TEX2: variants seen among roughly 807,000 people sequenced by gnomAD.
TEX2 encodes the protein testis-expressed protein 2.
A neutral mutation model predicts 106.9 loss-of-function variants in TEX2; 53 were observed. The observed-to-expected ratio is 0.50, with a 90% CI of 0.40 to 0.62. TEX2 has a LOEUF of 0.62. TEX2 is among the 20% of genes least tolerant of loss of function. The probability of loss-of-function intolerance (pLI) is 0.00; values close to 1 mark genes in which losing one functional copy is unlikely to be tolerated. For synonymous variants in TEX2, 523 were observed against 534.8 expected (o/e 0.98, Z 0.30); for missense variants, 1,207 against 1,379.0 (o/e 0.88, Z 1.98).
At chr17:64,170,262 C>T (rs946757200) in intron 7 of TEX2, among the ~76,000 whole-genome samples, 1 of 152,336 alleles carries the variant, frequency 6.6e-6, no homozygotes, top group South Asian at 2.1e-4. Context: ...ATATACTGTA[C>T]GTCTTCATTT....
At chr17:64,243,215 C>A (rs1338553562) in intron 1 of TEX2, among the ~76,000 whole-genome samples, 1 of 152,080 alleles carries the variant, frequency 6.6e-6, no homozygotes, top group East Asian at 1.9e-4. Flanking sequence ...GCGTGAGCCA[C>A]CACACCCGGC....
intron 6 of TEX2, among the ~76,000 whole-genome samples, chr17:64,171,977 G>A (rs1278603764): frequency 7.3e-5 from 5 of 68,652 alleles, no homozygotes; most frequent in Middle Eastern, 6.9e-3. Context: ...GAGACTCTGC[G>A]TCAAAAAAAA....
chr17:64,193,169 C>G (rs942650051), intron 4 of TEX2, among the ~76,000 whole-genome samples: 4 of 152,198 alleles, frequency 2.6e-5, no homozygotes, highest in African/African-American at 9.6e-5. Flanking sequence ...CATTCTATGG[C>G]AAGCTCAGGC....
At position 64,213,339 on chromosome 17, in the gene TEX2, G is replaced by A. The variant is rs115209976; in HGVS notation, c.879C>T (p.Arg293=). 0.023 allele frequency: 37,063 copies of A among 1,613,962 alleles called. 902 individuals carry two copies. Among genetic ancestry groups the A allele is most frequent in the South Asian group, 0.091 (8,296 of 91,088 alleles). Residue 293 remains arginine (R), a synonymous_variant, in exon 2 of 12, where the codon CGC becomes CGT. Coordinates refer to ENST00000584379, the MANE Select transcript of TEX2 (RefSeq NM_001288732.2). The surrounding 1 kb of genome is among the most constrained non-coding windows in gnomAD (Gnocchi z 4.4). Reference sequence around the variant, plus strand: ...AAGGCTCATAGATGACTTCTGAAAGGCGTCGTTTAGTATCTTCAATTTTAG... The same window carrying A: ...AAGGCTCATAGATGACTTCTGAAAGACGTCGTTTAGTATCTTCAATTTTAG... ...MEAKIEDTKR[R]LSEVIYEPFQ...
In TEX2 at chr17:64,214,099, GC is replaced by G; in HGVS notation, c.118del (p.Ala40HisfsTer27). 2 of 1,614,164 alleles carry G rather than the reference GC, an allele frequency of 1.2e-6. No homozygotes were observed. The highest frequency in any genetic ancestry group is 1.7e-6 in the Non-Finnish European group (2 of 1,180,024). On this transcript the variant is annotated frameshift_variant, in exon 2 of 12. Transcript: ENST00000584379. LOFTEE classifies it high-confidence loss of function. ...CTCTTCCTCCTCCTCCTCGCCGGATGCCGAGAAGTGAATGGCGATGGTATCT... is the reference window on the plus strand; with the variant it reads ...CTCTTCCTCCTCCTCCTCGCCGGATGCGAGAAGTGAATGGCGATGGTATCT... ...SRDTIAIHFS[A>X]SGEEEEEEEE... is the part of the protein sequence containing the mutation.
chr17:64,214,245 G>A lies in TEX2; in HGVS notation c.-25-3C>T, dbSNP rs200428348. 2.5e-6 allele frequency: 4 copies of A among 1,583,510 alleles called. No individual in the cohort carries two copies. In the South Asian group the frequency reaches 3.4e-5, roughly 14 times the overall value. ...CCGGCTTCACAAGGGCTCAGGCTCT[G>A]TGAAAACAGTGAGAAAACCAGAAGT... On this transcript the variant is annotated splice_polypyrimidine_tract_variant and splice_region_variant and intron_variant, in intron 1 of 11. Transcript: ENST00000584379.
intron 1 of TEX2, among the ~76,000 whole-genome samples, chr17:64,248,722 T>C (rs2034036219): frequency 6.6e-6 from 1 of 151,792 alleles, no homozygotes; most frequent in Non-Finnish European, 1.5e-5. Flanking sequence ...TGTCCCTGTG[T>C]ACCCACATTG....
At chr17:64,170,215 C>A (rs2031322782) in intron 7 of TEX2, among the ~76,000 whole-genome samples, 1 of 152,220 alleles carries the variant, frequency 6.6e-6, no homozygotes, top group Non-Finnish European at 1.5e-5. Context: ...GAACTTTCCT[C>A]CAGCAAGGAG....
intron 6 of TEX2, 28 bp downstream of exon 6, chr17:64,177,297 T>G (rs1382516235): frequency 6.2e-7 from 1 of 1,613,522 alleles, no homozygotes; most frequent in Non-Finnish European, 8.5e-7. Flanking sequence ...TATAGAGGAT[T>G]AGAAGCCTCT....
rs1567900270 is a variant in TEX2, at chr17:64,147,801, G to A, written c.*1168C>T. ...GGTGCTGTTTAAAAAACCACTATTA[G>A]CTTTGTCCACACATGTAAGTTATCA... On this transcript the variant is annotated 3_prime_UTR_variant, in exon 12 of 12. Coordinates refer to ENST00000584379, the MANE Select transcript of TEX2 (RefSeq NM_001288732.2). 1 of 152,534 alleles carries A rather than the reference G, an allele frequency of 6.6e-6. No homozygotes were observed. The highest frequency in any genetic ancestry group is 1.5e-5 in the Non-Finnish European group (1 of 68,030). 9.4% of individuals were successfully genotyped at this position (152,534 alleles called of 1,614,324 possible). A position where few individuals can be genotyped will look rare whatever the true frequency, so the allele number is the denominator to read the frequency against.
At position 64,176,741 on chromosome 17, in the gene TEX2, T is replaced by C. The variant is rs563167616; in HGVS notation, c.2571+584A>G. 2.8e-4 allele frequency among the ~76,000 whole-genome samples: 42 copies of C among 152,234 alleles called. 1 individual carries two copies. The highest frequency in any genetic ancestry group is 1.0e-3 in the African/African-American group (42 of 41,544). ...AATAAAGTACCATCTGGCCAAAAAG[T>C]AAAGGTCAAACACAGACACATTTAA... On this transcript the variant is annotated intron_variant, in intron 6 of 11. Coordinates refer to ENST00000584379, the MANE Select transcript of TEX2 (RefSeq NM_001288732.2).
At position 64,193,656 on chromosome 17, in the gene TEX2, A is replaced by C; in HGVS notation, c.2079T>G (p.Thr693=). The change falls in exon 4 of 12, where the codon ACT becomes ACG. Residue 693 remains threonine (T), a synonymous_variant. Transcript: ENST00000584379. ...RDQILYLFGR[T]GREKEEWFRR... ...TAAACCATTCCTCTTTTTCTCGGCC[A>C]GTTCTCCCAAAGAGATAGAGTATCT... 1 of 1,565,110 alleles carries C rather than the reference A, an allele frequency of 6.4e-7. No homozygotes were observed. The highest frequency in any genetic ancestry group is 8.7e-7 in the Non-Finnish European group (1 of 1,155,218).
chr17:64,166,718 T>G (rs2031156299), intron 7 of TEX2, among the ~76,000 whole-genome samples: 1 of 152,266 alleles, frequency 6.6e-6, no homozygotes, highest in Non-Finnish European at 1.5e-5. Flanking sequence ...GGTAATATTT[T>G]CCTTTTTACC....
intron 1 of TEX2, among the ~76,000 whole-genome samples, chr17:64,250,892 A>G (rs2034077432): frequency 6.6e-6 from 1 of 152,052 alleles, no homozygotes; most frequent in Admixed American, 6.6e-5. Flanking sequence ...GGGTTTCACC[A>G]TGTTGCCCAG....
At chr17:64,189,899 C>T (rs995726140) in intron 4 of TEX2, among the ~76,000 whole-genome samples, 14 of 151,614 alleles carry the variant, frequency 9.2e-5, no homozygotes, top group African/African-American at 2.4e-4. Flanking sequence ...GCAGGATAAT[C>T]GCTTCAACCT....
chr17:64,183,224 T>C (rs991765271), intron 5 of TEX2, among the ~76,000 whole-genome samples: 1 of 152,222 alleles, frequency 6.6e-6, no homozygotes, highest in Admixed American at 6.5e-5. Flanking sequence ...CTTTTGGCTA[T>C]TGTGAATAAT....
At chr17:64,202,714 G>T (rs1374345748) in intron 2 of TEX2, among the ~76,000 whole-genome samples, 4 of 152,216 alleles carry the variant, frequency 2.6e-5, no homozygotes, top group African/African-American at 4.8e-5. Flanking sequence ...ACATGGGAAT[G>T]GGTATAGAGA....
chr17:64,161,084 T>C (rs1453434011), intron 7 of TEX2, 151 bp from the exon 8 acceptor site: 6 of 818,124 alleles, frequency 7.3e-6, no homozygotes, highest in Admixed American at 2.8e-5. Context: ...TGAGAGCACA[T>C]TGTGCCATCG....
intron 2 of TEX2, among the ~76,000 whole-genome samples, chr17:64,204,481 A>T (rs1487939413): frequency 1.3e-5 from 2 of 152,350 alleles, no homozygotes; most frequent in East Asian, 3.9e-4. Flanking sequence ...GGTCATCTGT[A>T]TGTTAAATAT....
Sources: gnomAD v4.1 joint callset for allele counts (sites outside exome capture counted in the v4.1 genomes callset) on GRCh38, gnomAD v4.1.1 for gene constraint, Gnocchi (gnomAD v3.1) non-coding constraint, MANE v1.5 for transcripts, NCBI Gene and HGNC (gene_info 2026-07-23, HGNC 2026-07-21) for gene names.